BGN: variants seen among roughly 807,000 people sequenced by gnomAD.
BGN encodes bone/cartilage proteoglycan-I.
BGN carries 6 observed loss-of-function variants against 20.0 expected under a neutral mutation model. The ratio of observed to expected loss-of-function variants is 0.30; its 90% confidence interval spans 0.16 to 0.59. BGN has a LOEUF of 0.59. Among genes scored for constraint, BGN ranks in the 20% least tolerant of loss-of-function variants. The probability of loss-of-function intolerance (pLI) is 0.88; values close to 1 mark genes in which losing one functional copy is unlikely to be tolerated. For missense variants in BGN, 292 were observed against 312.1 expected (o/e 0.94, Z 0.49); for synonymous variants, 146 against 134.6 (o/e 1.08, Z -0.59).
In BGN at chrX:153,505,860, C is replaced by T. The variant is rs1305391696; in HGVS notation, c.352-3C>T. 2 of 1,209,802 alleles carry T rather than the reference C, an allele frequency of 1.7e-6. No individual in the cohort carries two copies. The highest frequency in any genetic ancestry group is 2.2e-6 in the Non-Finnish European group (2 of 894,311). Reference sequence around the variant, plus strand: ...TTCACCTCCTCCGCCCACCCTGCTTCAGGCCCTCGTCCTGGTGAACAACAA... The same window carrying T: ...TTCACCTCCTCCGCCCACCCTGCTTTAGGCCCTCGTCCTGGTGAACAACAA... On this transcript the variant is annotated splice_polypyrimidine_tract_variant and splice_region_variant and intron_variant, in intron 3 of 7. Transcript: ENST00000331595.
At chrX:153,498,908 A>T (rs1035930657) in intron 1 of BGN, among the ~76,000 whole-genome samples, 18 of 111,508 alleles carry the variant, frequency 1.6e-4, no homozygotes, top group Non-Finnish European at 3.0e-4. Flanking sequence ...CTTCCAGGGG[A>T]GCCCCCTGCA....
Position 153,504,757 on chromosome X carries a change from G to C in BGN, c.126G>C (p.Ser42=). The change falls in exon 2 of 8, where the codon TCG becomes TCC. Residue 42 remains serine (S), a synonymous_variant. Coordinates refer to ENST00000331595, the MANE Select transcript of BGN (RefSeq NM_001711.6). ...TCATGATGAACGATGAGGAAGCTTC[G>C]GGCGCTGACACCTCGGGCGTCCTGG... The part of the protein sequence containing the change: ...GPFMMNDEEA[S]GADTSGVLDP... The C allele has an allele frequency of 1.7e-6, 2 of 1,211,682 alleles. No homozygotes were observed. The highest frequency in any genetic ancestry group is 2.2e-6 in the Non-Finnish European group (2 of 895,499).
At chrX:153,498,257 C>T (rs1049681661) in intron 1 of BGN, among the ~76,000 whole-genome samples, 1 of 112,977 alleles carries the variant, frequency 8.9e-6, no homozygotes, top group African/African-American at 3.2e-5. Flanking sequence ...TTGAACTTGC[C>T]TCTGCTGGCC....
chrX:153,501,080 G>A (rs1569532245), intron 1 of BGN, among the ~76,000 whole-genome samples: 1 of 108,685 alleles, frequency 9.2e-6, no homozygotes, highest in Non-Finnish European at 1.9e-5. Context: ...GTACATATGT[G>A]TTTTGTATAG....
chrX:153,496,353 C>G (rs954422112), intron 1 of BGN, among the ~76,000 whole-genome samples: 8 of 113,025 alleles, frequency 7.1e-5, no homozygotes, highest in African/African-American at 2.6e-4. Flanking sequence ...GGGTGAGCAC[C>G]TCCTGGTGAC....
chrX:153,500,763 ATGTGTGCGTG>A (rs1569532231), intron 1 of BGN, among the ~76,000 whole-genome samples: 1 of 107,661 alleles, frequency 9.3e-6, no homozygotes, highest in African/African-American at 3.4e-5. Context: ...ATAAATGTGT[ATGTGTGCGTG>A]TGTGTGCATG....
intron 1 of BGN, among the ~76,000 whole-genome samples, chrX:153,500,259 A>T (rs1343803155): frequency 1.8e-5 from 2 of 112,942 alleles, no homozygotes; most frequent in Non-Finnish European, 3.8e-5. Flanking sequence ...GGCTCCAGGA[A>T]GCCCAGCCTC....
chrX:153,506,945 C>T (rs782731194), intron 6 of BGN, 22 bp downstream of exon 6: 3 of 1,208,069 alleles, frequency 2.5e-6, no homozygotes, highest in Middle Eastern at 2.3e-4. Flanking sequence ...AGGGCACCGC[C>T]CAAGGGTGAT....
intron 1 of BGN, among the ~76,000 whole-genome samples, chrX:153,501,255 G>A (rs781813828): frequency 1.8e-5 from 2 of 112,477 alleles, no homozygotes; most frequent in East Asian, 5.6e-4. Context: ...GGAGGGGCTT[G>A]GTGTGAGGTG....
At chrX:153,502,268 G>A (rs560090607) in intron 1 of BGN, among the ~76,000 whole-genome samples, 1 of 112,483 alleles carries the variant, frequency 8.9e-6, no homozygotes, top group South Asian at 3.7e-4. Flanking sequence ...CTGTCCAGGT[G>A]GACTGCCCAC....
At chrX:153,505,576 C>T (rs993029827) in intron 3 of BGN, among the ~76,000 whole-genome samples, 10 of 112,066 alleles carry the variant, frequency 8.9e-5, no homozygotes, top group Non-Finnish European at 1.7e-4. Context: ...CCCTTCGTGG[C>T]TGAAAACGTT....
At chrX:153,508,195 G>A (rs985095271) in intron 7 of BGN, 53 bp from the exon 8 acceptor site, 108 of 1,172,458 alleles carry the variant, frequency 9.2e-5, no homozygotes, top group Middle Eastern at 7.1e-4. Context: ...GGAGGCAGCG[G>A]GCTTGGCGTG....
At chrX:153,500,733 G>A (rs1312949511) in intron 1 of BGN, among the ~76,000 whole-genome samples, 2 of 109,989 alleles carry the variant, frequency 1.8e-5, no homozygotes, top group Non-Finnish European at 3.9e-5. Context: ...GTATGCATGT[G>A]TGTGTGTGTG....
intron 1 of BGN, among the ~76,000 whole-genome samples, chrX:153,499,389 C>T (rs1295744620): frequency 8.9e-6 from 1 of 112,536 alleles, no homozygotes; most frequent in Admixed American, 9.3e-5. Context: ...ACATGGGCGC[C>T]ACAGGCTGCA....
chrX:153,508,695 C>T lies in BGN; in HGVS notation c.*250C>T. 1 of 421,999 alleles carries T rather than the reference C, an allele frequency of 2.4e-6. No individual in the cohort carries two copies. The highest frequency in any genetic ancestry group is 4.1e-6 in the Non-Finnish European group (1 of 243,017). The allele number at this position is 421,999 out of a possible 1,213,427, so 34.8% of individuals were successfully genotyped here. A position where few individuals can be genotyped will look rare whatever the true frequency, so the allele number is the denominator to read the frequency against. On this transcript the variant is annotated 3_prime_UTR_variant, in exon 8 of 8. Coordinates refer to ENST00000331595, the MANE Select transcript of BGN (RefSeq NM_001711.6). ...GGCCTCAGAGCTGCCCCTGCTCTCC[C>T]ACCACAGCCACCCAGAGGCACCCCA...
In BGN at chrX:153,505,018, T is replaced by C. The variant is rs782809602; in HGVS notation, c.238+149T>C. On this transcript the variant is annotated intron_variant, in intron 2 of 7. Coordinates refer to ENST00000331595, the MANE Select transcript of BGN (RefSeq NM_001711.6). Reference sequence around the variant, plus strand: ...GGGGTCCAGCCGTCTGGCTGTGAGCTGTGCAGTTTGTGCCCACTTGTGGTG... The same window carrying C: ...GGGGTCCAGCCGTCTGGCTGTGAGCCGTGCAGTTTGTGCCCACTTGTGGTG... 231 of 654,472 alleles carry C rather than the reference T, an allele frequency of 3.5e-4. No homozygotes were observed. In the African/African-American group the frequency reaches 4.4e-3, roughly 13 times the overall value. 53.9% of individuals were successfully genotyped at this position (654,472 alleles called of 1,213,427 possible).
chrX:153,496,875 C>T (rs909941087), intron 1 of BGN, among the ~76,000 whole-genome samples: 3 of 110,054 alleles, frequency 2.7e-5, no homozygotes, highest in African/African-American at 9.9e-5. Context: ...TCAGCAAGGG[C>T]TTCTGAGTCC....
intron 4 of BGN, 25 bp from the exon 5 acceptor site, chrX:153,506,504 C>T (rs1040804870): frequency 7.6e-6 from 9 of 1,187,113 alleles, no homozygotes; most frequent in East Asian, 3.0e-5. Context: ...ACCAGGCTCC[C>T]GGGCTAATGA....
Position 153,505,308 on chromosome X carries a change from C to T in BGN, c.309C>T (p.Ser103=), listed in dbSNP as rs1469006247. Residue 103 remains serine (S), a synonymous_variant, in exon 3 of 8, where the codon TCC becomes TCT. Transcript: ENST00000331595. ...TGGACCTGCAGAACAACGACATCTC[C>T]GAGCTCCGCAAGGATGACTTCAAGG... ...TLLDLQNNDI[S]ELRKDDFKGL... The T allele has an allele frequency of 9.9e-6, 12 of 1,210,664 alleles. No individual in the cohort carries two copies. The highest frequency in any genetic ancestry group is 2.3e-4 in the Middle Eastern group (1 of 4,351).
Sources: allele counts gnomAD v4.1 joint callset (sites outside exome capture counted in the v4.1 genomes callset), GRCh38; gene constraint gnomAD v4.1.1; transcripts MANE v1.5; gene names NCBI Gene and HGNC (gene_info 2026-07-23, HGNC 2026-07-21).